Variants in FANK1 observed in about 807,000 individuals in gnomAD.
The protein encoded by FANK1 is fibronectin type III and ankyrin repeat domains 1.
In FANK1, 44 loss-of-function variants were observed where a neutral mutation model predicts 45.3. The observed-to-expected ratio is 0.97, with a 90% confidence interval of 0.76 to 1.25. FANK1 has a LOEUF of 1.25. FANK1 is among the 50% of genes most tolerant of loss of function. FANK1 has a pLI of 0.00. For missense variants in FANK1, 391 were observed against 424.4 expected (o/e 0.92, Z 0.69); for synonymous variants, 149 against 152.5 (o/e 0.98, Z 0.17).
chr10:125,950,895 A>G (rs963419063), intron 1 of FANK1, among the ~76,000 whole-genome samples: 2 of 150,712 alleles, frequency 1.3e-5, no homozygotes, highest in African/African-American at 4.9e-5. Flanking sequence ...CATATACACC[A>G]TGGAATACTA....
chr10:125,896,830 T>C (rs1944567652), intron 1 of FANK1, among the ~76,000 whole-genome samples, 175 bp downstream of exon 1: 1 of 152,296 alleles, frequency 6.6e-6, no homozygotes, highest in Admixed American at 6.5e-5. Context: ...GGGGGCTACA[T>C]CCTGCCAAGT....
chr10:126,006,276 A>C (rs937486677), intron 7 of FANK1, among the ~76,000 whole-genome samples: 1 of 152,198 alleles, frequency 6.6e-6, no homozygotes, highest in Non-Finnish European at 1.5e-5. Context: ...CAGTTATGGG[A>C]TCTATCTGGT....
At chr10:125,918,589 T>C (rs201365154) in intron 1 of FANK1, among the ~76,000 whole-genome samples, 2 of 46,524 alleles carry the variant, frequency 4.3e-5, no homozygotes, top group African/African-American at 6.7e-5. Context: ...AAAAAAAATA[T>C]ATATATATAT....
At chr10:125,937,575 C>T (rs940689657) in intron 1 of FANK1, among the ~76,000 whole-genome samples, 5 of 152,082 alleles carry the variant, frequency 3.3e-5, no homozygotes, top group Non-Finnish European at 7.3e-5. Flanking sequence ...ATGGAATAAA[C>T]TATGGTATGG....
chr10:125,913,964 A>G (rs967478351), intron 1 of FANK1, among the ~76,000 whole-genome samples: 2 of 152,150 alleles, frequency 1.3e-5, no homozygotes, highest in Admixed American at 6.5e-5. Flanking sequence ...GTCGAGTAAA[A>G]ACACAAAGAA....
chr10:125,911,694 G>A (rs1946025592), intron 1 of FANK1, among the ~76,000 whole-genome samples: 1 of 152,186 alleles, frequency 6.6e-6, no homozygotes, highest in South Asian at 2.1e-4. Flanking sequence ...TCAACTCAAT[G>A]TGTTACCAAA....
intron 1 of FANK1, among the ~76,000 whole-genome samples, chr10:125,919,611 A>T (rs541426291): frequency 1.0e-3 from 159 of 152,112 alleles, no homozygotes; most frequent in Non-Finnish European, 1.8e-3. Context: ...CCTGAGGCTC[A>T]TGGTGGTTGC....
At chr10:125,908,669 G>A (rs1380210015) in intron 1 of FANK1, among the ~76,000 whole-genome samples, 1 of 151,856 alleles carries the variant, frequency 6.6e-6, no homozygotes, top group Non-Finnish European at 1.5e-5. Context: ...CGAGTGATGG[G>A]TGCACTAAAA....
chr10:125,904,664 C>T (rs1945330693), intron 1 of FANK1, among the ~76,000 whole-genome samples: 1 of 151,970 alleles, frequency 6.6e-6, no homozygotes, highest in East Asian at 1.9e-4. Context: ...GCATGAACCA[C>T]TGCACCCCGC....
chr10:125,936,414 T>C (rs1170140902), intron 1 of FANK1, among the ~76,000 whole-genome samples: 2 of 137,456 alleles, frequency 1.5e-5, no homozygotes, highest in African/African-American at 5.5e-5. Flanking sequence ...GTGAACCCAC[T>C]GGAGCGAGAT....
chr10:125,922,177 G>A (rs1946991466), intron 1 of FANK1, among the ~76,000 whole-genome samples: 1 of 152,120 alleles, frequency 6.6e-6, no homozygotes, highest in Non-Finnish European at 1.5e-5. Context: ...TTTGACCTAT[G>A]GGCCATTTAG....
intron 1 of FANK1, among the ~76,000 whole-genome samples, chr10:125,909,686 CTT>C (rs34854157): frequency 8.9e-4 from 92 of 103,258 alleles, no homozygotes; most frequent in East Asian, 2.1e-3. Context: ...GACCAATTAA[CTT>C]TTTTTTTTTT....
intron 1 of FANK1, among the ~76,000 whole-genome samples, chr10:125,950,726 A>G (rs1949152894): frequency 6.6e-6 from 1 of 151,782 alleles, no homozygotes; most frequent in African/African-American, 2.4e-5. Flanking sequence ...CATTTGACCC[A>G]GCCATCCCAT....
chr10:125,918,471 C>T (rs548239613), intron 1 of FANK1, among the ~76,000 whole-genome samples: 38 of 146,178 alleles, frequency 2.6e-4, no homozygotes, highest in African/African-American at 8.9e-4. Flanking sequence ...CAGGAGAATC[C>T]TTGAACCCGG....
Position 126,009,449 on chromosome 10 carries a change from A to G in FANK1, c.*11A>G. The G allele has an allele frequency of 1.2e-6, 2 of 1,611,482 alleles. No homozygotes were observed. The highest frequency in any genetic ancestry group is 2.2e-5 in the South Asian group (2 of 90,156). ...TCTTGTGTCTGCTGATGAGAGCACC[A>G]CTCATCTGCGAAACGCACGTAAAAC... On this transcript the variant is annotated 3_prime_UTR_variant, in exon 11 of 11. Coordinates refer to ENST00000368693, the MANE Select transcript of FANK1 (RefSeq NM_145235.5).
At position 125,997,543 on chromosome 10, in the gene FANK1, C is replaced by T; in HGVS notation, c.539+58C>T. On this transcript the variant is annotated intron_variant, in intron 6 of 10. Transcript: ENST00000368693. ...ATGTTCTCAGAATTGTGTTGCTAGG[C>T]TTGTGCCCAGAGGGGTTGTGATTTC... 7.2e-6 allele frequency: 11 copies of T among 1,531,130 alleles called. No individual in the cohort carries two copies. In the South Asian group the frequency reaches 1.0e-4, roughly 15 times the overall value. 94.8% of individuals were successfully genotyped at this position (1,531,130 alleles called of 1,614,324 possible).
In FANK1 at chr10:125,988,574, T is replaced by C. The variant is rs1951718743; in HGVS notation, c.215T>C (p.Val72Ala). 1 of 1,614,208 alleles carries C rather than the reference T, an allele frequency of 6.2e-7. No individual in the cohort carries two copies. Among genetic ancestry groups the C allele is most frequent in the Non-Finnish European group, 8.5e-7 (1 of 1,180,024 alleles). ...IYTGYATKHV[V>A]EGLEPRTLYR... is the part of the protein sequence containing the mutation. ...AGGGGATATGCAACGAAGCATGTTG[T>C]TGAAGGTCTGGAACCAAGGACGCTG... Residue 72 changes from valine to alanine, a missense_variant, in exon 3 of 11, where the codon GTT becomes GCT. By Grantham distance (64) the Val-to-Ala change is moderately conservative. Transcript: ENST00000368693.
intron 1 of FANK1, among the ~76,000 whole-genome samples, chr10:125,908,798 T>C (rs1945753491): frequency 6.6e-6 from 1 of 152,174 alleles, no homozygotes; most frequent in African/African-American, 2.4e-5. Context: ...AAAAAGAACA[T>C]GTATTTTCTT....
At chr10:125,927,112 C>T (rs1438148939) in intron 1 of FANK1, among the ~76,000 whole-genome samples, 2 of 152,034 alleles carry the variant, frequency 1.3e-5, no homozygotes, top group African/African-American at 4.8e-5. Flanking sequence ...CCTAAAATGA[C>T]CATCTTGTCT....
Sources: gnomAD v4.1 joint callset for allele counts (sites outside exome capture counted in the v4.1 genomes callset) on GRCh38, gnomAD v4.1.1 for gene constraint, MANE v1.5 for transcripts, NCBI Gene and HGNC (gene_info 2026-07-23, HGNC 2026-07-21) for gene names.